ZDHHC15: variants seen among roughly 807,000 people sequenced by gnomAD.
The protein encoded by ZDHHC15 is zDHHC palmitoyltransferase 15.
In ZDHHC15, 19 loss-of-function variants were observed where a neutral mutation model predicts 31.7. That is an observed-to-expected ratio of 0.60 (90% CI 0.42 to 0.88). The LOEUF is 0.88. ZDHHC15 is among the 40% of genes least tolerant of loss of function. The pLI is 0.00. For missense variants in ZDHHC15, 209 were observed against 251.2 expected, an observed-to-expected ratio of 0.83 and a Z score of 1.14; for synonymous variants, 103 against 90.0, an observed-to-expected ratio of 1.14 and a Z score of -0.82.
intron 3 of ZDHHC15, among the ~76,000 whole-genome samples, chrX:75,464,672 A>G (rs2084374503): frequency 9.0e-6 from 1 of 111,605 alleles, no homozygotes; most frequent in African/African-American, 3.3e-5. Context: ...AAACCAATAA[A>G]TGTGATTTAT....
At chrX:75,437,988 CAAAAG>C (rs972653515) in intron 4 of ZDHHC15, among the ~76,000 whole-genome samples, 3 of 111,200 alleles carry the variant, frequency 2.7e-5, no homozygotes, top group Non-Finnish European at 3.8e-5. Context: ...AGACACTTCT[CAAAAG>C]AAGACATTTA....
intron 3 of ZDHHC15, among the ~76,000 whole-genome samples, chrX:75,477,784 G>A (rs918324334): frequency 1.8e-5 from 2 of 111,402 alleles, no homozygotes; most frequent in Non-Finnish European, 3.8e-5. Flanking sequence ...ACAGTATAAA[G>A]GTAAATCACA....
At chrX:75,489,791 C>T (rs1234950683) in intron 2 of ZDHHC15, among the ~76,000 whole-genome samples, 4 of 111,750 alleles carry the variant, frequency 3.6e-5, no homozygotes, top group Admixed American at 1.9e-4. Flanking sequence ...TCGAACTACT[C>T]CGAGCTAAAG....
rs748186232 is a variant in ZDHHC15, at chrX:75,483,409, C to CA, written c.164-4425dup. ...GCAGAAAAGTAAGACCCTATCACTA[C>CA]AAAAAAAATTATCTGGGCATGGTGG... is the stretch of plus-strand genomic sequence containing the variant. On this transcript the variant is annotated intron_variant, in intron 2 of 11. Transcript: ENST00000373367. 3.0e-4 allele frequency among the ~76,000 whole-genome samples: 33 copies of CA among 108,972 alleles called. 1 individual carries two copies. The highest frequency in any genetic ancestry group is 1.0e-3 in the African/African-American group (30 of 29,926). The allele number at this position is 108,972 out of a possible 115,157, so 94.6% of individuals were successfully genotyped here. A position where few individuals can be genotyped will look rare whatever the true frequency, so the allele number is the denominator to read the frequency against.
At chrX:75,510,108 C>A (rs2085237331) in intron 1 of ZDHHC15, among the ~76,000 whole-genome samples, 1 of 111,606 alleles carries the variant, frequency 9.0e-6, no homozygotes, top group South Asian at 3.7e-4. Context: ...GAAAAAGTTA[C>A]TCACACCAGC....
At position 75,441,232 on chromosome X, in the gene ZDHHC15, C is replaced by T. The variant is rs766658475; in HGVS notation, c.379+9570G>A. 5.9e-4 allele frequency among the ~76,000 whole-genome samples: 66 copies of T among 111,760 alleles called. 1 individual carries two copies. Among genetic ancestry groups the T allele is most frequent in the African/African-American group, 2.1e-3 (66 of 30,800 alleles). ...AATTCATGCTCAGTTGAAATTATTACAAAGCTCAGCTGTGAGTTTCCTTCT... is the reference window on the plus strand; with the variant it reads ...AATTCATGCTCAGTTGAAATTATTATAAAGCTCAGCTGTGAGTTTCCTTCT... On this transcript the variant is annotated intron_variant, in intron 4 of 11. Coordinates refer to ENST00000373367, the MANE Select transcript of ZDHHC15 (RefSeq NM_144969.3).
chrX:75,408,794 C>T (rs1237007436), intron 10 of ZDHHC15, among the ~76,000 whole-genome samples: 1 of 112,402 alleles, frequency 8.9e-6, no homozygotes, highest in Non-Finnish European at 1.9e-5. Context: ...AATTTATGCA[C>T]ACCAACAACA....
intron 2 of ZDHHC15, among the ~76,000 whole-genome samples, chrX:75,489,338 C>A (rs776506050): frequency 1.8e-5 from 2 of 111,872 alleles, no homozygotes; most frequent in East Asian, 5.7e-4. Flanking sequence ...GGGAGGCACC[C>A]CCGAGTAGGG....
At chrX:75,431,403 A>T (rs1270591349) in intron 5 of ZDHHC15, 48 bp downstream of exon 5, 1 of 1,134,474 alleles carries the variant, frequency 8.8e-7, no homozygotes, top group African/African-American at 1.8e-5. Flanking sequence ...TGTCTAGGAA[A>T]CCTTCAGTGG....
At chrX:75,421,402 T>TATATATTATATATATATA (rs2083628848) in intron 9 of ZDHHC15, among the ~76,000 whole-genome samples, 7 of 8,076 alleles carry the variant, frequency 8.7e-4, no homozygotes, top group Non-Finnish European at 1.8e-3. Flanking sequence ...ATATATATTA[T>TATATATTATATATATATA]ATATATATAA....
chrX:75,409,808 AAAAAAAAAAAAAC>A (rs1255840127), intron 10 of ZDHHC15, among the ~76,000 whole-genome samples: 1 of 98,181 alleles, frequency 1.0e-5, no homozygotes, highest in Non-Finnish European at 2.0e-5. Context: ...AAAAAAAAAA[AAAAAAAAAAAAAC>A]AACAACAACA....
chrX:75,499,529 G>T, intron 2 of ZDHHC15, among the ~76,000 whole-genome samples: 1 of 111,331 alleles, frequency 9.0e-6, no homozygotes, highest in South Asian at 3.7e-4. Flanking sequence ...AAAAAATGCT[G>T]GACATCACTA....
intron 10 of ZDHHC15, among the ~76,000 whole-genome samples, chrX:75,409,289 T>A (rs1043270934): frequency 9.2e-6 from 1 of 108,722 alleles, no homozygotes; most frequent in Non-Finnish European, 1.9e-5. Context: ...GCCGGGAGTT[T>A]GAGACCAGCA....
At chrX:75,459,980 A>G (rs2084285955) in intron 3 of ZDHHC15, among the ~76,000 whole-genome samples, 1 of 111,397 alleles carries the variant, frequency 9.0e-6, no homozygotes, top group African/African-American at 3.3e-5. Context: ...GGTTCAAGCG[A>G]TTTTCCTGCC....
intron 9 of ZDHHC15, among the ~76,000 whole-genome samples, chrX:75,421,233 C>T (rs1283872335): frequency 1.0e-5 from 1 of 97,551 alleles, no homozygotes; most frequent in African/African-American, 3.8e-5. Flanking sequence ...TATTTCTCTT[C>T]TGCTGTTTTT....
At chrX:75,400,876 A>G (rs2147794198) in intron 10 of ZDHHC15, among the ~76,000 whole-genome samples, 1 of 111,872 alleles carries the variant, frequency 8.9e-6, no homozygotes, top group South Asian at 3.8e-4. Context: ...ATATCCAGCC[A>G]AACTAAGCTT....
intron 3 of ZDHHC15, among the ~76,000 whole-genome samples, chrX:75,465,926 A>G (rs1194083809): frequency 8.9e-6 from 1 of 112,018 alleles, no homozygotes; most frequent in East Asian, 2.8e-4. Flanking sequence ...AAGCAATTGC[A>G]TCAAAAGAAA....
chrX:75,492,634 A>T (rs772798711), intron 2 of ZDHHC15, among the ~76,000 whole-genome samples: 1 of 111,797 alleles, frequency 8.9e-6, no homozygotes, highest in South Asian at 3.8e-4. Flanking sequence ...AACTCACTCA[A>T]AACTGGACAA....
chrX:75,484,939 T>C, intron 2 of ZDHHC15, among the ~76,000 whole-genome samples: 1 of 111,985 alleles, frequency 8.9e-6, no homozygotes, highest in Non-Finnish European at 1.9e-5. Context: ...AAATATATGA[T>C]GCTAAGTGAA....
Sources: allele counts gnomAD v4.1 joint callset (sites outside exome capture counted in the v4.1 genomes callset), GRCh38; gene constraint gnomAD v4.1.1; transcripts MANE v1.5; gene names NCBI Gene and HGNC (gene_info 2026-07-23, HGNC 2026-07-21).